The following MAP4K5 variants were observed in gnomAD, a reference collection of about 807,000 sequenced individuals.
MAP4K5 encodes MAPK/ERK kinase kinase kinase 5.
In MAP4K5, 82 loss-of-function variants were observed where a neutral mutation model predicts 135.6. That is an observed-to-expected ratio of 0.60 (90% CI 0.51 to 0.73). MAP4K5 has a LOEUF of 0.73. Among genes scored for constraint, MAP4K5 ranks in the 30% least tolerant of loss-of-function variants. The pLI is 0.00. For missense variants in MAP4K5, 907 were observed against 1,010.9 expected, an observed-to-expected ratio of 0.90 and a Z score of 1.39; for synonymous variants, 347 against 335.0, an observed-to-expected ratio of 1.04 and a Z score of -0.39.
In MAP4K5 at chr14:50,532,061, G is replaced by A; in HGVS notation, c.-12C>T. On this transcript the variant is annotated 5_prime_UTR_variant, in exon 2 of 33. Coordinates refer to ENST00000682126, the MANE Select transcript of MAP4K5 (RefSeq NM_006575.6). The stretch of plus-strand genomic sequence containing the variant: ...AGCGGGGCCTCCATCTTCACTTAGG[G>A]CCCGGCCCCCGCCAGCTCACCCCGC... 6.6e-7 allele frequency: 1 copy of A among 1,517,220 alleles called. No individual in the cohort carries two copies. The allele number at this position is 1,517,220 out of a possible 1,614,324, so 94.0% of individuals were successfully genotyped here.
intron 21 of MAP4K5, among the ~76,000 whole-genome samples, chr14:50,441,333 C>T (rs1316568850): frequency 8.6e-5 from 13 of 152,012 alleles, no homozygotes; most frequent in Admixed American, 3.9e-4. Context: ...ACCAACAGAT[C>T]GATATTAACA....
intron 6 of MAP4K5, among the ~76,000 whole-genome samples, chr14:50,480,699 C>T (rs1485138549): frequency 6.6e-6 from 1 of 152,012 alleles, no homozygotes; most frequent in East Asian, 1.9e-4. Context: ...CATTGTTAGG[C>T]AATTTTGTTG....
chr14:50,420,585 T>C (rs962720023), intron 32 of MAP4K5, among the ~76,000 whole-genome samples: 1 of 152,190 alleles, frequency 6.6e-6, no homozygotes, highest in African/African-American at 2.4e-5. Flanking sequence ...GAAACTGTGA[T>C]TGTGCCACTG....
chr14:50,476,342 G>T, intron 6 of MAP4K5, 36 bp from the exon 7 acceptor site: 3 of 1,066,342 alleles, frequency 2.8e-6, no homozygotes, highest in Non-Finnish European at 3.9e-6. Context: ...GAATGTATCA[G>T]CAAAACTGTA....
intron 2 of MAP4K5, 65 bp from the exon 3 acceptor site, chr14:50,504,922 T>A (rs558431763): frequency 1.0e-6 from 1 of 996,556 alleles, no homozygotes; most frequent in South Asian, 1.5e-5. Context: ...TAAAATTACT[T>A]GGTACTATGT....
intron 13 of MAP4K5, among the ~76,000 whole-genome samples, chr14:50,459,699 CTTT>C (rs58066955): frequency 6.9e-6 from 1 of 144,102 alleles, no homozygotes. Context: ...CTTTCTTTCT[CTTT>C]TTTTTTTTTT....
intron 2 of MAP4K5, among the ~76,000 whole-genome samples, chr14:50,524,512 G>A (rs534115050): frequency 1.7e-4 from 26 of 152,190 alleles, no homozygotes; most frequent in African/African-American, 6.0e-4. Flanking sequence ...AAGCAAAAAT[G>A]AGAAGTGATA....
At chr14:50,490,050 T>C (rs1028347079) in intron 3 of MAP4K5, among the ~76,000 whole-genome samples, 2 of 151,638 alleles carry the variant, frequency 1.3e-5, no homozygotes, top group South Asian at 2.1e-4. Flanking sequence ...GCTTATTTCC[T>C]TGGGCTCCTC....
At chr14:50,421,896 T>C (rs2035741763) in intron 32 of MAP4K5, among the ~76,000 whole-genome samples, 1 of 186 alleles carries the variant, frequency 5.4e-3, no homozygotes, top group Non-Finnish European at 0.016. Context: ...CCACAATTCT[T>C]TTTTTTTTTT....
chr14:50,473,485 C>T (rs917998676), intron 9 of MAP4K5, among the ~76,000 whole-genome samples: 1 of 152,076 alleles, frequency 6.6e-6, no homozygotes, highest in African/African-American at 2.4e-5. Flanking sequence ...TTTTTAACGA[C>T]ATAAGAACTT....
chr14:50,488,223 C>T (rs2037410072), intron 3 of MAP4K5, among the ~76,000 whole-genome samples: 1 of 151,990 alleles, frequency 6.6e-6, no homozygotes, highest in African/African-American at 2.4e-5. Flanking sequence ...CTTATAAAAC[C>T]ATCAGATCTC....
At chr14:50,502,160 C>G (rs2037719939) in intron 3 of MAP4K5, among the ~76,000 whole-genome samples, 1 of 152,078 alleles carries the variant, frequency 6.6e-6, no homozygotes, top group South Asian at 2.1e-4. Context: ...TTATTTATAG[C>G]CTATGGCTCA....
Position 50,440,030 on chromosome 14 carries a change from G to T in MAP4K5, c.1688C>A (p.Thr563Asn). ...ATACATACCTGATAATGACATTAAA[G>T]TATTATTGATAACATACAGCCAAGT... is the stretch of plus-strand genomic sequence containing the variant. ...KCTWLYVINN[T>N]LMSLSEGKTF... The change falls in exon 23 of 33, where the codon ACT becomes AAT. Residue 563 changes from threonine to asparagine, a missense_variant. Around this residue, in one of 3 missense-constraint regions of MAP4K5, gnomAD observed 690 missense variants for 777.4 expected, o/e 0.89. Transcript: ENST00000682126. The T allele has an allele frequency of 6.4e-7, 1 of 1,553,278 alleles. No individual in the cohort carries two copies. Among genetic ancestry groups the T allele is most frequent in the Admixed American group, 1.8e-5 (1 of 54,160 alleles).
chr14:50,487,293 C>T (rs113393356), intron 3 of MAP4K5, among the ~76,000 whole-genome samples: 5,294 of 152,166 alleles, frequency 0.035, 94 homozygotes, highest in Middle Eastern at 0.058. Flanking sequence ...GGCGACAGAG[C>T]GAGACTCCAC....
intron 2 of MAP4K5, among the ~76,000 whole-genome samples, chr14:50,510,482 G>C (rs1459112374): frequency 6.6e-6 from 1 of 152,134 alleles, no homozygotes; most frequent in South Asian, 2.1e-4. Context: ...CCTTTGAAAG[G>C]CTGTGCCACA....
chr14:50,432,444 C>T (rs2035990884), intron 28 of MAP4K5, among the ~76,000 whole-genome samples: 3 of 151,900 alleles, frequency 2.0e-5, no homozygotes, highest in Admixed American at 6.6e-5. Context: ...CAGCCTTGAC[C>T]CCAGGTCAGA....
intron 8 of MAP4K5, among the ~76,000 whole-genome samples, chr14:50,475,869 AC>A (rs1363152473): frequency 2.0e-5 from 3 of 152,298 alleles, no homozygotes; most frequent in Admixed American, 6.5e-5. Context: ...CTATTGCTAG[AC>A]TTACATTTGC....
At position 50,428,997 on chromosome 14, in the gene MAP4K5, G is replaced by C. The variant is rs2035910581; in HGVS notation, c.2233+195C>G. On this transcript the variant is annotated intron_variant, in intron 29 of 32. Coordinates refer to ENST00000682126, the MANE Select transcript of MAP4K5 (RefSeq NM_006575.6). ...TATTTACACTCTCATTTTTAAAAAT[G>C]TATGCTTCTTTAAAAATGGCTACCT... 2.0e-5 allele frequency among the ~76,000 whole-genome samples: 3 copies of C among 152,092 alleles called. No individual in the cohort carries two copies. In the South Asian group the frequency reaches 6.2e-4, roughly 32 times the overall value.
chr14:50,477,110 T>G (rs1006560591), intron 6 of MAP4K5, among the ~76,000 whole-genome samples: 6 of 152,254 alleles, frequency 3.9e-5, no homozygotes, highest in Non-Finnish European at 5.9e-5. Context: ...GTCTTCTGGT[T>G]TGTGAACATG....
Sources: allele counts gnomAD v4.1 joint callset (sites outside exome capture counted in the v4.1 genomes callset), GRCh38; gene constraint gnomAD v4.1.1; regional missense constraint gnomAD v4.1.1; transcripts MANE v1.5; gene names NCBI Gene and HGNC (gene_info 2026-07-23, HGNC 2026-07-21).